The following ARHGAP21 variants were observed in gnomAD, a reference collection of about 807,000 sequenced individuals.
The protein encoded by ARHGAP21 is Rho GTPase activating protein 21.
In ARHGAP21, 38 loss-of-function variants were observed where a neutral mutation model predicts 164.6. That is an observed-to-expected ratio of 0.23 (90% confidence interval 0.18 to 0.30). ARHGAP21 has a LOEUF of 0.30. Among genes scored for constraint, ARHGAP21 ranks in the 10% least tolerant of loss-of-function variants. The probability of loss-of-function intolerance (pLI) is 1.00; values close to 1 mark genes in which losing one functional copy is unlikely to be tolerated. For missense variants in ARHGAP21, 1,822 were observed against 2,370.7 expected (o/e 0.77, Z 4.81); for synonymous variants, 766 against 857.9 (o/e 0.89, Z 1.87).
At chr10:24,628,965 T>C (rs1835506434) in intron 7 of ARHGAP21, 1 of 15,730 alleles carries the variant, frequency 6.4e-5, no homozygotes, top group Admixed American at 6.0e-4. Flanking sequence ...TATATATATA[T>C]ATATATATAT....
intron 5 of ARHGAP21, among the ~76,000 whole-genome samples, chr10:24,633,754 C>T (rs1593106968): frequency 6.6e-6 from 1 of 152,074 alleles, no homozygotes; most frequent in East Asian, 1.9e-4. Context: ...GAGTTCCAGT[C>T]ATTACTGAAT....
chr10:24,611,061 G>C (rs1251883738), intron 9 of ARHGAP21, among the ~76,000 whole-genome samples: 2 of 152,162 alleles, frequency 1.3e-5, no homozygotes, highest in African/African-American at 4.8e-5. Flanking sequence ...TGTTCCGCAA[G>C]ATAACTACAG....
chr10:24,700,895 T>C (rs1223064410), intron 2 of ARHGAP21, among the ~76,000 whole-genome samples: 2 of 152,138 alleles, frequency 1.3e-5, no homozygotes, highest in Non-Finnish European at 2.9e-5. Context: ...AAGTCTAGAG[T>C]GAGACCAGAA....
chr10:24,594,239 A>G (rs1313192486), intron 21 of ARHGAP21, among the ~76,000 whole-genome samples: 1 of 152,212 alleles, frequency 6.6e-6, no homozygotes, highest in Non-Finnish European at 1.5e-5. Context: ...TTAGGCAATA[A>G]TCATCAAAAA....
chr10:24,672,689 T>C (rs1840827307), intron 2 of ARHGAP21, among the ~76,000 whole-genome samples: 1 of 152,270 alleles, frequency 6.6e-6, no homozygotes, highest in African/African-American at 2.4e-5. Context: ...TTGCTTCTAT[T>C]ATATTTTTTA....
intron 7 of ARHGAP21, among the ~76,000 whole-genome samples, chr10:24,623,596 T>G (rs1278327283): frequency 6.6e-6 from 1 of 152,214 alleles, no homozygotes; most frequent in Non-Finnish European, 1.5e-5. Context: ...AATACTTTTC[T>G]GCAATAGGAA....
chr10:24,634,277 T>C (rs1308910248), intron 5 of ARHGAP21, among the ~76,000 whole-genome samples: 2 of 152,130 alleles, frequency 1.3e-5, no homozygotes, highest in Non-Finnish European at 2.9e-5. Context: ...TAACAGTACA[T>C]CCTTATAAAT....
At chr10:24,648,978 C>T (rs1837885785) in intron 4 of ARHGAP21, 1 of 481,994 alleles carries the variant, frequency 2.1e-6, no homozygotes, top group Non-Finnish European at 2.7e-6. Context: ...TAACTTGTTA[C>T]TAGCTACATA....
At chr10:24,596,220 A>C in intron 17 of ARHGAP21, 177 bp from the exon 18 acceptor site, 2 of 549,736 alleles carry the variant, frequency 3.6e-6, no homozygotes, top group Admixed American at 7.6e-5. Context: ...TATTTGAGAC[A>C]GTAAGAAGAG....
At chr10:24,684,667 C>G (rs944479531) in intron 2 of ARHGAP21, among the ~76,000 whole-genome samples, 6 of 152,062 alleles carry the variant, frequency 3.9e-5, no homozygotes, top group Admixed American at 6.6e-5. Flanking sequence ...GAGATAGGAT[C>G]TTACTCTCTC....
At chr10:24,591,467 A>G (rs1157398534) in intron 23 of ARHGAP21, 137 bp from the exon 24 acceptor site, 9 of 1,099,910 alleles carry the variant, frequency 8.2e-6, no homozygotes, top group Non-Finnish European at 1.2e-5. Flanking sequence ...ACGCATAATT[A>G]ACTGCAAAAT....
rs1212244903 is a variant in ARHGAP21, at chr10:24,584,741, A to G, written c.5548T>C (p.Ser1850Pro). 6.2e-7 allele frequency: 1 copy of G among 1,613,868 alleles called. No individual in the cohort carries two copies. The highest frequency in any genetic ancestry group is 8.5e-7 in the Non-Finnish European group (1 of 1,179,882). ...PKCSAQDLSI[S>P]DWLARERLRT... ...AGGCGTTCCCTGGCCAGCCAGTCTG[A>G]GATGGAAAGGTCCTGGGCTGAGCAT... The change falls in exon 26 of 26, where the codon TCA becomes CCA. Residue 1850 changes from serine (S) to proline (P), a missense_variant. By Grantham distance (74) the Ser-to-Pro change is moderately conservative. Around this residue, in one of 5 missense-constraint regions of ARHGAP21, gnomAD observed 165 missense variants for 176.6 expected, o/e 0.93. Coordinates refer to ENST00000396432, the MANE Select transcript of ARHGAP21 (RefSeq NM_020824.4).
chr10:24,670,114 T>G (rs1840562390), intron 3 of ARHGAP21, 104 bp downstream of exon 3: 1 of 719,080 alleles, frequency 1.4e-6, no homozygotes, highest in African/African-American at 1.8e-5. Flanking sequence ...CTTGATTCTT[T>G]TAAGACAGAA....
chr10:24,596,154 G>T, intron 17 of ARHGAP21, 111 bp from the exon 18 acceptor site: 1 of 903,412 alleles, frequency 1.1e-6, no homozygotes, highest in Non-Finnish European at 1.6e-6. Flanking sequence ...TTGCTGTTAT[G>T]TAATATAAAG....
At chr10:24,682,755 A>G (rs1449619520) in intron 2 of ARHGAP21, among the ~76,000 whole-genome samples, 3 of 151,868 alleles carry the variant, frequency 2.0e-5, no homozygotes, top group Non-Finnish European at 2.9e-5. Context: ...AAATATCTAG[A>G]CGTATCTAGA....
intron 4 of ARHGAP21, among the ~76,000 whole-genome samples, chr10:24,666,525 T>C (rs1216299818): frequency 1.3e-5 from 2 of 152,230 alleles, no homozygotes; most frequent in African/African-American, 4.8e-5. Context: ...TAATTTTATC[T>C]CCAGCCTGAT....
In ARHGAP21 at chr10:24,595,787, T is replaced by C; in HGVS notation, c.3642A>G (p.Arg1214=). ...ADIDIQDDKW[R]DLNVISSLLK... ...GTAAACTGCTTATCACATTCAAATC[T>C]CGCCATTTCTAGGTGTACAAAATAG... Residue 1214 remains arginine (R), a synonymous_variant, in exon 19 of 26, where the codon CGA becomes CGG. Coordinates refer to ENST00000396432, the MANE Select transcript of ARHGAP21 (RefSeq NM_020824.4). The C allele has an allele frequency of 6.2e-7, 1 of 1,613,638 alleles. No homozygotes were observed. The highest frequency in any genetic ancestry group is 8.5e-7 in the Non-Finnish European group (1 of 1,179,740).
Position 24,709,638 on chromosome 10 carries a change from A to G in ARHGAP21, c.63+12199T>C, listed in dbSNP as rs542946388. 9.2e-5 allele frequency among the ~76,000 whole-genome samples: 14 copies of G among 151,900 alleles called. No individual in the cohort carries two copies. In the South Asian group the frequency reaches 2.9e-3, roughly 32 times the overall value. ...GCCTGTAGTCCCAGCTACTCAGGAG[A>G]CTGGACAGAAAGACTGCTTGAGGCC... is the stretch of plus-strand genomic sequence containing the variant. On this transcript the variant is annotated intron_variant, in intron 2 of 25. Coordinates refer to ENST00000396432, the MANE Select transcript of ARHGAP21 (RefSeq NM_020824.4).
chr10:24,596,814 A>C lies in ARHGAP21; in HGVS notation c.3403T>G (p.Phe1135Val), dbSNP rs1167967326. ...CCTGTAGCAGTTGGCTTTTTCTCAAATGTCTTTCTCATGATACTTGGAATG... is the reference window on the plus strand; with the variant it reads ...CCTGTAGCAGTTGGCTTTTTCTCAACTGTCTTTCTCATGATACTTGGAATG... ...KGIPSIMRKTFEKKPTATGTF... is the reference protein window; with the variant it reads ...KGIPSIMRKTVEKKPTATGTF... Residue 1135 changes from phenylalanine to valine, a missense_variant, in exon 17 of 26, where the codon TTT (phenylalanine) becomes GTT (valine). Around this residue, in one of 5 missense-constraint regions of ARHGAP21, gnomAD observed 1,090 missense variants for 1,378.9 expected, o/e 0.79. Coordinates refer to ENST00000396432, the MANE Select transcript of ARHGAP21 (RefSeq NM_020824.4). 6.2e-7 allele frequency: 1 copy of C among 1,612,338 alleles called. No homozygotes were observed. Among genetic ancestry groups the C allele is most frequent in the East Asian group, 2.2e-5 (1 of 44,720 alleles).
Sources: allele counts gnomAD v4.1 joint callset (sites outside exome capture counted in the v4.1 genomes callset), GRCh38; gene constraint gnomAD v4.1.1; regional missense constraint gnomAD v4.1.1; transcripts MANE v1.5; gene names NCBI Gene and HGNC (gene_info 2026-07-23, HGNC 2026-07-21).